INSYN2A: variants seen among roughly 807,000 people sequenced by gnomAD.
INSYN2A encodes the protein inhibitory synaptic factor 2A.
Under a neutral mutation model 39.4 loss-of-function variants are expected in INSYN2A, and 17 were observed. The observed-to-expected ratio is 0.43, with a 90% CI of 0.30 to 0.65. INSYN2A has a LOEUF of 0.65. INSYN2A is among the 30% of genes least tolerant of loss of function. The pLI is 0.14. For missense variants in INSYN2A, 595 were observed against 631.2 expected, an observed-to-expected ratio of 0.94 and a Z score of 0.61; for synonymous variants, 255 against 265.7, an observed-to-expected ratio of 0.96 and a Z score of 0.39.
chr10:127,164,430 G>T (rs1002099867), intron 4 of INSYN2A, among the ~76,000 whole-genome samples: 29 of 151,858 alleles, frequency 1.9e-4, no homozygotes, highest in Non-Finnish European at 4.0e-4. Context: ...TGATCCACCC[G>T]CCTCGGCCTC....
intron 2 of INSYN2A, among the ~76,000 whole-genome samples, chr10:127,187,325 T>C (rs1223572703): frequency 1.3e-5 from 2 of 152,296 alleles, no homozygotes; most frequent in South Asian, 2.1e-4. Context: ...AGTTCATGAA[T>C]AGAAGTTAGC....
chr10:127,185,716 G>C (rs1332436284), intron 2 of INSYN2A, among the ~76,000 whole-genome samples: 1 of 152,180 alleles, frequency 6.6e-6, no homozygotes, highest in Non-Finnish European at 1.5e-5. Context: ...GTTCGTTGAG[G>C]TAAAACCATA....
chr10:127,167,740 T>C (rs1286201439), intron 4 of INSYN2A, among the ~76,000 whole-genome samples: 4 of 152,048 alleles, frequency 2.6e-5, no homozygotes, highest in Admixed American at 6.6e-5. Flanking sequence ...TGACACCAAA[T>C]GAACTGGTCC....
rs1216809857 is a variant in INSYN2A at position 127,186,504 on chromosome 10, A to ACCCC, written c.-269+6100_-269+6101insGGGG. Among the ~76,000 whole-genome samples the ACCCC allele has an allele frequency of 1.9e-3, 17 of 9,008 alleles. 5 individuals are homozygous for ACCCC. The highest frequency in any genetic ancestry group is 6.1e-3 in the East Asian group (2 of 330). 5.9% of individuals were successfully genotyped at this position (9,008 alleles called of 152,430 possible). A position where few individuals can be genotyped will look rare whatever the true frequency, so the allele number is the denominator to read the frequency against. ...CAATCATGATAACAGCATGGGAGAA[A>ACCCC]CCGCCCCCCCGCCCCCCCCCGATCC... On this transcript the variant is annotated intron_variant, in intron 2 of 5. Coordinates refer to ENST00000522781, the MANE Select transcript of INSYN2A (RefSeq NM_001039762.3).
intron 5 of INSYN2A, among the ~76,000 whole-genome samples, chr10:127,141,854 G>A (rs2051290776): frequency 6.6e-6 from 1 of 152,180 alleles, no homozygotes; most frequent in Non-Finnish European, 1.5e-5. Flanking sequence ...TCCAGATGGA[G>A]TCTGTGGCCT....
chr10:127,147,686 G>A (rs1312183764), intron 5 of INSYN2A, among the ~76,000 whole-genome samples: 2 of 151,918 alleles, frequency 1.3e-5, no homozygotes, highest in Non-Finnish European at 2.9e-5. Context: ...TACCCTTTAG[G>A]ACCCCAAATG....
At chr10:127,169,599 C>A (rs930899741) in intron 4 of INSYN2A, among the ~76,000 whole-genome samples, 1 of 152,134 alleles carries the variant, frequency 6.6e-6, no homozygotes, top group Non-Finnish European at 1.5e-5. Context: ...CACAAGTATG[C>A]CCATTCATAC....
chr10:127,172,349 G>T (rs11016610), intron 4 of INSYN2A, among the ~76,000 whole-genome samples: 278 of 152,262 alleles, frequency 1.8e-3, no homozygotes, highest in Non-Finnish European at 3.0e-3. Context: ...TCCCTCCAGA[G>T]CCTGTTGTTC....
chr10:127,158,508 A>G (rs746513090), intron 4 of INSYN2A, among the ~76,000 whole-genome samples: 1 of 152,244 alleles, frequency 6.6e-6, no homozygotes, highest in African/African-American at 2.4e-5. Flanking sequence ...TTATATATAC[A>G]TAGGCTTGTA....
Position 127,176,477 on chromosome 10 carries a change from C to T in INSYN2A, c.-5-77G>A. ...AAGCACCGGCCGCACAAACTTTTAG[C>T]CACCACGACGACTGCCTGTTTCCTA... On this transcript the variant is annotated intron_variant, in intron 3 of 5. Coordinates refer to ENST00000522781, the MANE Select transcript of INSYN2A (RefSeq NM_001039762.3). The surrounding 1 kb of genome is among the most constrained non-coding windows in gnomAD (Gnocchi z 4.4). 2.4e-6 allele frequency: 3 copies of T among 1,233,112 alleles called. No homozygotes were observed. Among genetic ancestry groups the T allele is most frequent in the Non-Finnish European group, 3.4e-6 (3 of 886,846 alleles). 76.4% of individuals were successfully genotyped at this position (1,233,112 alleles called of 1,614,324 possible).
intron 2 of INSYN2A, among the ~76,000 whole-genome samples, chr10:127,178,844 A>C (rs776027472): frequency 1.3e-5 from 2 of 152,156 alleles, no homozygotes; most frequent in South Asian, 2.1e-4. Context: ...TGGCTTTTAG[A>C]GATTCTTATC....
intron 4 of INSYN2A, among the ~76,000 whole-genome samples, chr10:127,170,003 T>G (rs140101465): frequency 1.8e-3 from 278 of 151,944 alleles, no homozygotes; most frequent in Non-Finnish European, 3.0e-3. Context: ...TCCTTTAGCT[T>G]CTTTTTTTAC....
intron 4 of INSYN2A, among the ~76,000 whole-genome samples, chr10:127,169,463 C>G (rs534359156): frequency 1.3e-5 from 2 of 152,302 alleles, no homozygotes; most frequent in African/African-American, 4.8e-5. Context: ...ATATTCTGGC[C>G]TGAACATTTT....
rs774822703 is a variant in INSYN2A, at chr10:127,175,218, C to T, written c.1178G>A (p.Arg393Gln). ...IQELEKGEAH[R>Q]EGLSYRTGQD... ...CATGGGTGAACATACATACCCTTCC[C>T]GATGGGCCTCTCCTTTTTCCAACTC... Residue 393 changes from arginine to glutamine, a missense_variant, in exon 4 of 6, where the codon CGG becomes CAG. Around this residue, in one of 2 missense-constraint regions of INSYN2A, gnomAD observed 117 missense variants for 163.8 expected, o/e 0.71. Transcript: ENST00000522781. This position sits in a 1 kb window ranked among gnomAD's most constrained non-coding sequence, Gnocchi z 6.3. The T allele has an allele frequency of 2.5e-6, 4 of 1,611,730 alleles. No individual in the cohort carries two copies. The highest frequency in any genetic ancestry group is 3.3e-5 in the Admixed American group (2 of 59,896).
Position 127,175,775 on chromosome 10 carries a change from A to C in INSYN2A, c.621T>G (p.Ala207=), listed in dbSNP as rs776154036. ...KSPEPLSYGE[A]ALQNSTRPPS... is the part of the protein sequence containing the mutation. Reference sequence around the variant, plus strand: ...GAGGCCGAGTGGAGTTTTGGAGCGCAGCTTCTCCATAGCTGAGCGGCTCCG... The same window carrying C: ...GAGGCCGAGTGGAGTTTTGGAGCGCCGCTTCTCCATAGCTGAGCGGCTCCG... Residue 207 remains alanine, a synonymous_variant, in exon 4 of 6, where the codon GCT becomes GCG. Transcript: ENST00000522781. The surrounding 1 kb of genome is among the most constrained non-coding windows in gnomAD (Gnocchi z 6.3). 1.1e-5 allele frequency: 18 copies of C among 1,613,958 alleles called. No individual in the cohort carries two copies. The Admixed American group carries it at 1.5e-4, about 13-fold the overall frequency.
chr10:127,146,771 C>A (rs189764910), intron 5 of INSYN2A, among the ~76,000 whole-genome samples: 1 of 152,158 alleles, frequency 6.6e-6, no homozygotes, highest in African/African-American at 2.4e-5. Context: ...AAGAGATAAT[C>A]GCTGAATGAC....
Position 127,137,979 on chromosome 10 carries a change from G to C in INSYN2A, c.1298C>G (p.Pro433Arg). 6.2e-7 allele frequency: 1 copy of C among 1,613,332 alleles called. No homozygotes were observed. Among genetic ancestry groups the C allele is most frequent in the Non-Finnish European group, 8.5e-7 (1 of 1,179,868 alleles). The part of the protein sequence containing the change: ...DFKQQEDKLQ[P>R]VLRKLHPIEE... ...AATAGGGTGGAGTTTTCTTAGAACCGGCTGGAGTTTGTCTTCTTGCTGCTT... is the reference window on the plus strand; with the variant it reads ...AATAGGGTGGAGTTTTCTTAGAACCCGCTGGAGTTTGTCTTCTTGCTGCTT... The change falls in exon 6 of 6, where the codon CCG becomes CGG. Residue 433 changes from proline to arginine, a missense_variant. Pro to Arg is a moderately radical substitution (Grantham distance 103). Around this residue, in one of 2 missense-constraint regions of INSYN2A, gnomAD observed 117 missense variants for 163.8 expected, o/e 0.71. Transcript: ENST00000522781.
chr10:127,169,091 T>C (rs545269796), intron 4 of INSYN2A, among the ~76,000 whole-genome samples: 2 of 152,330 alleles, frequency 1.3e-5, no homozygotes, highest in African/African-American at 4.8e-5. Context: ...AAACATGTTC[T>C]GTGATGGCTT....
chr10:127,192,298 C>G (rs1047465487), intron 2 of INSYN2A, among the ~76,000 whole-genome samples: 2 of 151,942 alleles, frequency 1.3e-5, no homozygotes, highest in Non-Finnish European at 2.9e-5. Context: ...TTTCCAAATC[C>G]CTTTGAAATA....
Sources: gnomAD v4.1 joint callset for allele counts (sites outside exome capture counted in the v4.1 genomes callset) on GRCh38, gnomAD v4.1.1 for gene constraint, gnomAD v4.1.1 regional missense constraint, Gnocchi (gnomAD v3.1) non-coding constraint, MANE v1.5 for transcripts, NCBI Gene and HGNC (gene_info 2026-07-23, HGNC 2026-07-21) for gene names.